NHSL2: variants seen among roughly 807,000 people sequenced by gnomAD.
The protein encoded by NHSL2 is NHS-like protein 2.
Under a neutral mutation model 53.4 loss-of-function variants are expected in NHSL2, and 27 were observed. The ratio of observed to expected loss-of-function variants is 0.51; its 90% CI spans 0.37 to 0.70. The LOEUF is 0.70. Among genes scored for constraint, NHSL2 ranks in the 30% least tolerant of loss-of-function variants. The probability of loss-of-function intolerance (pLI) is 0.00; values close to 1 mark genes in which losing one functional copy is unlikely to be tolerated. For synonymous variants in NHSL2, 408 were observed against 404.1 expected, an observed-to-expected ratio of 1.01 and a Z score of -0.12; for missense variants, 892 against 980.1, an observed-to-expected ratio of 0.91 and a Z score of 1.20.
intron 1 of NHSL2, among the ~76,000 whole-genome samples, chrX:72,032,581 G>A (rs1388628810): frequency 9.0e-6 from 1 of 111,116 alleles, no homozygotes; most frequent in Non-Finnish European, 1.9e-5. Flanking sequence ...TATGTAGGCC[G>A]GGCATGGTGG....
At chrX:71,944,800 A>C in intron 1 of NHSL2, among the ~76,000 whole-genome samples, 1 of 112,404 alleles carries the variant, frequency 8.9e-6, no homozygotes, top group Non-Finnish European at 1.9e-5. Context: ...ACATTGTGCA[A>C]AGTGTTATTT....
At chrX:71,994,764 G>A (rs776911596) in intron 1 of NHSL2, among the ~76,000 whole-genome samples, 12 of 111,853 alleles carry the variant, frequency 1.1e-4, no homozygotes, top group African/African-American at 3.6e-4. Context: ...GCCTCCACGT[G>A]TTAGACAGTC....
intron 1 of NHSL2, among the ~76,000 whole-genome samples, chrX:72,000,307 G>A: frequency 9.0e-6 from 1 of 111,367 alleles, no homozygotes; most frequent in Admixed American, 9.5e-5. Context: ...AGGGTATTGT[G>A]GTCTCCATTT....
chrX:71,975,679 C>G (rs1027466523), intron 1 of NHSL2, among the ~76,000 whole-genome samples: 4 of 110,773 alleles, frequency 3.6e-5, no homozygotes, highest in Admixed American at 2.9e-4. Context: ...CAAACTAGCT[C>G]CTTCCTCATC....
intron 1 of NHSL2, among the ~76,000 whole-genome samples, chrX:71,938,193 G>A (rs963594055): frequency 5.3e-5 from 6 of 112,164 alleles, no homozygotes; most frequent in Non-Finnish European, 1.1e-4. Flanking sequence ...ATGAAGTTGT[G>A]GAGAAGGAAG....
chrX:71,995,911 G>A (rs1446911425), intron 1 of NHSL2, among the ~76,000 whole-genome samples: 2 of 111,855 alleles, frequency 1.8e-5, no homozygotes, highest in Non-Finnish European at 3.8e-5. Flanking sequence ...AAGGACTTAT[G>A]GGATCAATGA....
chrX:71,957,467 C>T (rs895897757), intron 1 of NHSL2, among the ~76,000 whole-genome samples: 3 of 111,981 alleles, frequency 2.7e-5, no homozygotes, highest in African/African-American at 9.8e-5. Context: ...GGGGTTTCAC[C>T]GTGTTAGCCA....
chrX:71,931,123 A>G (rs1456451053), intron 1 of NHSL2, among the ~76,000 whole-genome samples: 1 of 112,279 alleles, frequency 8.9e-6, no homozygotes, highest in Non-Finnish European at 1.9e-5. Flanking sequence ...CTCATTGTGG[A>G]CTAAACATCT....
intron 1 of NHSL2, among the ~76,000 whole-genome samples, chrX:72,087,787 G>A (rs765482259): frequency 2.7e-5 from 3 of 111,775 alleles, no homozygotes; most frequent in Non-Finnish European, 5.6e-5. Flanking sequence ...CAGGAGAATC[G>A]TTTGAACCCA....
chrX:72,064,595 G>A (rs963929638), intron 1 of NHSL2, among the ~76,000 whole-genome samples: 7 of 112,134 alleles, frequency 6.2e-5, no homozygotes, highest in Non-Finnish European at 9.4e-5. Flanking sequence ...ACCACCTGCC[G>A]CACTTCCCTG....
intron 1 of NHSL2, among the ~76,000 whole-genome samples, chrX:71,951,041 A>ACACACACAC (rs2041818969): frequency 2.3e-5 from 1 of 42,839 alleles, no homozygotes; most frequent in African/African-American, 9.0e-5. Context: ...CACACACACA[A>ACACACACAC]ATACCTGGCA....
At chrX:71,964,045 A>ATATATATATG (rs1569467158) in intron 1 of NHSL2, among the ~76,000 whole-genome samples, 65 of 72,735 alleles carry the variant, frequency 8.9e-4, no homozygotes, top group African/African-American at 3.6e-3. Flanking sequence ...ATATATATGT[A>ATATATATATG]TATATATATA....
At chrX:71,973,197 T>C (rs1387388365) in intron 1 of NHSL2, among the ~76,000 whole-genome samples, 1 of 112,022 alleles carries the variant, frequency 8.9e-6, no homozygotes, top group East Asian at 2.8e-4. Flanking sequence ...TGTTTTGCAG[T>C]CTGTCCCACG....
intron 1 of NHSL2, among the ~76,000 whole-genome samples, chrX:71,924,843 G>C (rs2041676677): frequency 2.7e-5 from 3 of 112,314 alleles, no homozygotes; most frequent in South Asian, 7.4e-4. Context: ...GTAATTTTTG[G>C]TGTTGAGCCT....
chrX:72,013,894 G>A (rs965534430), intron 1 of NHSL2, among the ~76,000 whole-genome samples: 2 of 111,484 alleles, frequency 1.8e-5, no homozygotes, highest in African/African-American at 3.3e-5. Flanking sequence ...TGTAGAATTA[G>A]CATACAATTC....
chrX:71,979,346 A>G (rs1295245613), intron 1 of NHSL2, among the ~76,000 whole-genome samples: 1 of 111,530 alleles, frequency 9.0e-6, no homozygotes, highest in South Asian at 3.7e-4. Flanking sequence ...ACTGTCTTCC[A>G]CAATGGTTGA....
Position 72,144,441 on chromosome X carries a change from G to A in NHSL2, c.*867G>A. 1 of 817,148 alleles carries A rather than the reference G, an allele frequency of 1.2e-6. No individual in the cohort carries two copies. Among genetic ancestry groups the A allele is most frequent in the Non-Finnish European group, 1.7e-6 (1 of 588,018 alleles). The allele number at this position is 817,148 out of a possible 1,213,427, so 67.3% of individuals were successfully genotyped here. On this transcript the variant is annotated 3_prime_UTR_variant, in exon 8 of 8. Transcript: ENST00000633930. The stretch of plus-strand genomic sequence containing the variant: ...GCAGGATCTGCGCCCAGCTCATGCT[G>A]CATTCTAAGAACTCTCATTTCATTT...
In NHSL2 at chrX:72,148,840, A is replaced by ATGTGTGTGTGTGTGTGTGTG. The variant is rs58448364; in HGVS notation, c.*5286_*5305dup. ...GGAGAAAGAGAGAGAGAGAGAGTGT[A>ATGTGTGTGTGTGTGTGTGTG]TGTGTGTGTGTGTGTGTGTGTGTGT... On this transcript the variant is annotated 3_prime_UTR_variant, in exon 8 of 8. Transcript: ENST00000633930. 79 of 85,962 alleles carry ATGTGTGTGTGTGTGTGTGTG rather than the reference A, an allele frequency of 9.2e-4. No homozygotes were observed. Among genetic ancestry groups the ATGTGTGTGTGTGTGTGTGTG allele is most frequent in the African/African-American group, 3.3e-3 (76 of 23,031 alleles). The allele number at this position is 85,962 out of a possible 1,213,427, so 7.1% of individuals were successfully genotyped here.
chrX:72,134,268 A>G (rs1479841054), intron 3 of NHSL2, 50 bp downstream of exon 3: 12 of 1,123,720 alleles, frequency 1.1e-5, no homozygotes, highest in Non-Finnish European at 1.4e-5. Flanking sequence ...ACCCACTGAC[A>G]AGAGACCTCC....
Sources: gnomAD v4.1 joint callset for allele counts (sites outside exome capture counted in the v4.1 genomes callset) on GRCh38, gnomAD v4.1.1 for gene constraint, MANE v1.5 for transcripts, NCBI Gene and HGNC (gene_info 2026-07-23, HGNC 2026-07-21) for gene names.